STPG2: variants seen among roughly 807,000 people sequenced by gnomAD.
STPG2 encodes sperm-tail PG-rich repeat-containing protein 2.
A neutral mutation model predicts 54.2 loss-of-function variants in STPG2; 56 were observed. The observed-to-expected ratio is 1.03, with a 90% CI of 0.83 to 1.29. STPG2 has a LOEUF of 1.29. Ranked by LOEUF, STPG2 falls within the 50% of genes most tolerant of loss-of-function variation. The pLI, the probability that STPG2 is intolerant of heterozygous loss-of-function variation, is 0.00. For missense variants in STPG2, 596 were observed against 544.9 expected (o/e 1.09, Z -0.93); for synonymous variants, 200 against 181.8 (o/e 1.10, Z -0.81).
At position 97,500,015 on chromosome 4, in the gene STPG2, C is replaced by T. The variant is rs746286740; in HGVS notation, c.462+212684G>A. ...CATGGAGAGTTTCAAACACAGGATA[C>T]TCTTGATCTAACATATTTTAATTGG... On this transcript the variant is annotated intron_variant, in intron 4 of 4. Coordinates refer to the STPG2 transcript ENST00000522676. 2.4e-4 allele frequency among the ~76,000 whole-genome samples: 36 copies of T among 151,904 alleles called. 1 individual carries two copies. The highest frequency in any genetic ancestry group is 4.3e-4 in the Non-Finnish European group (29 of 67,960).
intron 5 of STPG2, among the ~76,000 whole-genome samples, chr4:98,049,325 T>C (rs1737239735): frequency 1.3e-5 from 2 of 152,308 alleles, no homozygotes; most frequent in African/African-American, 4.8e-5. Flanking sequence ...TTACTTAACC[T>C]GCATGAGCTT....
intron 3 of STPG2, among the ~76,000 whole-genome samples, chr4:98,128,119 C>T (rs112278155): frequency 2.6e-5 from 4 of 152,272 alleles, no homozygotes; most frequent in African/African-American, 9.6e-5. Context: ...CCATCCTCTT[C>T]TGCCAGCTTG....
At chr4:97,678,894 C>A (rs992215685) in intron 10 of STPG2, among the ~76,000 whole-genome samples, 6 of 150,944 alleles carry the variant, frequency 4.0e-5, no homozygotes, top group African/African-American at 1.5e-4. Flanking sequence ...CTTGTTCTTG[C>A]GATAGTTTAC....
At chr4:97,717,713 C>G (rs947674744) in intron 9 of STPG2, among the ~76,000 whole-genome samples, 2 of 152,070 alleles carry the variant, frequency 1.3e-5, no homozygotes, top group Admixed American at 1.3e-4. Context: ...ATGACTTTCA[C>G]CAGTCATAAA....
At chr4:97,701,927 T>G (rs546152924) in intron 10 of STPG2, among the ~76,000 whole-genome samples, 3 of 152,164 alleles carry the variant, frequency 2.0e-5, no homozygotes, top group Non-Finnish European at 4.4e-5. Flanking sequence ...TGTAGTTGAG[T>G]GACGGTGGTT....
At chr4:97,893,720 C>T (rs754252952) in intron 8 of STPG2, among the ~76,000 whole-genome samples, 6 of 151,954 alleles carry the variant, frequency 3.9e-5, no homozygotes, top group South Asian at 2.1e-4. Flanking sequence ...TACCTTTCAT[C>T]GGCCAAAACT....
intron 9 of STPG2, among the ~76,000 whole-genome samples, chr4:97,839,561 T>C (rs1578610320): frequency 2.0e-5 from 3 of 151,654 alleles, no homozygotes; most frequent in African/African-American, 7.2e-5. Context: ...AAAGAACTTA[T>C]TTCCCTGGGT....
intron 7 of STPG2, among the ~76,000 whole-genome samples, chr4:97,960,517 T>C (rs1733844246): frequency 1.3e-5 from 2 of 152,032 alleles, no homozygotes; most frequent in Non-Finnish European, 2.9e-5. Context: ...GATACAAAAT[T>C]AATGTACACA....
intron 8 of STPG2, among the ~76,000 whole-genome samples, chr4:97,875,714 T>G (rs943027244): frequency 6.6e-6 from 1 of 151,632 alleles, no homozygotes; most frequent in Middle Eastern, 3.2e-3. Context: ...TGGACAAAAA[T>G]TATAATTAGT....
chr4:97,664,399 G>GCACTT (rs1722460870), intron 10 of STPG2, among the ~76,000 whole-genome samples: 1 of 152,138 alleles, frequency 6.6e-6, no homozygotes, highest in Admixed American at 6.6e-5. Context: ...TATAAGCCAG[G>GCACTT]CACTTCACGT....
chr4:98,101,406 T>G (rs1739033290), intron 5 of STPG2, among the ~76,000 whole-genome samples: 1 of 152,058 alleles, frequency 6.6e-6, no homozygotes, highest in African/African-American at 2.4e-5. Context: ...ACATAATAAT[T>G]TGAGAATGGG....
chr4:97,739,752 C>G (rs571254036), intron 9 of STPG2, among the ~76,000 whole-genome samples: 5 of 152,078 alleles, frequency 3.3e-5, no homozygotes, highest in Non-Finnish European at 7.4e-5. Flanking sequence ...AGTCCAGGAC[C>G]AGATGGATTC....
At chr4:97,765,084 G>C (rs911179912) in intron 9 of STPG2, among the ~76,000 whole-genome samples, 2 of 152,062 alleles carry the variant, frequency 1.3e-5, no homozygotes, top group Non-Finnish European at 2.9e-5. Context: ...ATTACCTGGT[G>C]TATAATACAG....
chr4:97,598,438 G>A (rs1733359406), intron 10 of STPG2, among the ~76,000 whole-genome samples: 1 of 151,402 alleles, frequency 6.6e-6, no homozygotes, highest in African/African-American at 2.4e-5. Context: ...GCAATCCTAA[G>A]CAAAAACAAG....
At chr4:97,879,301 G>A (rs1425809365) in intron 8 of STPG2, among the ~76,000 whole-genome samples, 2 of 152,068 alleles carry the variant, frequency 1.3e-5, no homozygotes, top group Non-Finnish European at 2.9e-5. Flanking sequence ...TTATAGCAGT[G>A]CCCCACTCTA....
intron 8 of STPG2, among the ~76,000 whole-genome samples, chr4:97,883,228 TA>T (rs1045846465): frequency 3.3e-5 from 5 of 151,684 alleles, no homozygotes; most frequent in African/African-American, 7.3e-5. Context: ...TATATGTATA[TA>T]TTTTTTTAAT....
At chr4:98,020,555 C>T (rs1736145278) in intron 5 of STPG2, among the ~76,000 whole-genome samples, 1 of 152,084 alleles carries the variant, frequency 6.6e-6, no homozygotes, top group East Asian at 1.9e-4. Flanking sequence ...CGAGGATTCC[C>T]TCTTTTTCTA....
At chr4:98,022,757 T>C (rs559648205) in intron 5 of STPG2, among the ~76,000 whole-genome samples, 6 of 152,188 alleles carry the variant, frequency 3.9e-5, no homozygotes, top group Admixed American at 3.3e-4. Context: ...TCTTGCTTCA[T>C]TTCATTCATT....
intron 4 of STPG2, among the ~76,000 whole-genome samples, chr4:97,443,967 G>A (rs1405044639): frequency 6.6e-6 from 1 of 152,112 alleles, no homozygotes; most frequent in African/African-American, 2.4e-5. Context: ...ATCTCACTAT[G>A]TAACTGGAAT....
Sources: allele counts gnomAD v4.1 joint callset (sites outside exome capture counted in the v4.1 genomes callset), GRCh38; gene constraint gnomAD v4.1.1; transcripts MANE v1.5; gene names NCBI Gene and HGNC (gene_info 2026-07-23, HGNC 2026-07-21).